Variants in RBFOX1 observed in about 807,000 individuals in gnomAD.
RBFOX1 encodes the protein RNA binding fox-1 homolog 1, also known as RNA binding protein fox-1 homolog 1.
RBFOX1 carries 8 observed loss-of-function variants against 57.7 expected under a neutral mutation model. That is an observed-to-expected ratio of 0.14 (90% CI 0.08 to 0.25). RBFOX1 has a LOEUF of 0.25. RBFOX1 is among the 10% of genes least tolerant of loss of function. RBFOX1 has a pLI of 1.00. For synonymous variants in RBFOX1, 326 were observed against 222.4 expected (o/e 1.47, Z -4.15); for missense variants, 611 against 548.5 (o/e 1.11, Z -1.14).
At chr16:6,829,377 A>G (rs1447777148) in intron 3 of RBFOX1, among the ~76,000 whole-genome samples, 1 of 151,986 alleles carries the variant, frequency 6.6e-6, no homozygotes, top group African/African-American at 2.4e-5. Context: ...ACACACATAC[A>G]TACACAGACA....
chr16:6,937,176 T>C lies in RBFOX1; in HGVS notation c.-15-114881T>C, dbSNP rs919051313. On this transcript the variant is annotated intron_variant, in intron 3 of 15. Coordinates refer to ENST00000550418, the MANE Select transcript of RBFOX1 (RefSeq NM_018723.4). Reference sequence around the variant, plus strand: ...TCAAAAATGATATTTTTTTCCAAATTTTTATTCTGGAAAATTCAACTATGT... The same window carrying C: ...TCAAAAATGATATTTTTTTCCAAATCTTTATTCTGGAAAATTCAACTATGT... 4.6e-5 allele frequency among the ~76,000 whole-genome samples: 7 copies of C among 152,126 alleles called. 1 individual carries two copies. Among genetic ancestry groups the C allele is most frequent in the Non-Finnish European group, 8.8e-5 (6 of 68,024 alleles).
intron 1 of RBFOX1, among the ~76,000 whole-genome samples, chr16:6,214,620 G>A (rs2097320733): frequency 8.7e-6 from 1 of 114,752 alleles, no homozygotes; most frequent in Non-Finnish European, 1.8e-5. Flanking sequence ...AGAAGGAGAG[G>A]GAGAAAGACA....
At chr16:6,863,442 G>A (rs140326711) in intron 3 of RBFOX1, among the ~76,000 whole-genome samples, 4 of 152,142 alleles carry the variant, frequency 2.6e-5, no homozygotes, top group African/African-American at 9.6e-5. Flanking sequence ...AAGGAACTAA[G>A]CAAGTTTTGC....
At chr16:6,580,367 C>G (rs1020512818) in intron 2 of RBFOX1, among the ~76,000 whole-genome samples, 5 of 152,180 alleles carry the variant, frequency 3.3e-5, no homozygotes, top group Admixed American at 6.5e-5. Flanking sequence ...TCATAACACA[C>G]ATTTGCCAAT....
intron 2 of RBFOX1, among the ~76,000 whole-genome samples, chr16:6,330,014 A>G (rs563585865): frequency 6.6e-6 from 1 of 152,288 alleles, no homozygotes; most frequent in East Asian, 1.9e-4. Flanking sequence ...GATTTTAAAA[A>G]TATTGACTTC....
chr16:6,317,627 A>C (rs747504599), intron 2 of RBFOX1, among the ~76,000 whole-genome samples: 1 of 152,110 alleles, frequency 6.6e-6, no homozygotes, highest in Non-Finnish European at 1.5e-5. Flanking sequence ...GCATTTTTCC[A>C]CTTTCTGCCT....
intron 2 of RBFOX1, among the ~76,000 whole-genome samples, chr16:5,521,710 C>T (rs951217081): frequency 5.3e-5 from 8 of 152,170 alleles, no homozygotes; most frequent in Admixed American, 5.2e-4. Flanking sequence ...TACGTCTGAG[C>T]CCAAGACTTG....
At chr16:5,895,542 C>G (rs547794161) in intron 4 of RBFOX1, among the ~76,000 whole-genome samples, 2 of 152,302 alleles carry the variant, frequency 1.3e-5, no homozygotes, top group East Asian at 1.9e-4. Flanking sequence ...GCAGCCTGAT[C>G]TTTATTCTTA....
intron 4 of RBFOX1, among the ~76,000 whole-genome samples, chr16:5,925,089 C>T (rs978860133): frequency 1.2e-4 from 18 of 152,264 alleles, no homozygotes; most frequent in Admixed American, 4.6e-4. Context: ...TCCCTGTTTC[C>T]ACACCAACCC....
chr16:6,472,717 G>A (rs891403095), intron 2 of RBFOX1, among the ~76,000 whole-genome samples: 6 of 151,362 alleles, frequency 4.0e-5, no homozygotes, highest in East Asian at 1.9e-4. Flanking sequence ...TCCGCCTCCC[G>A]GTTCAAGTGA....
chr16:7,015,115 A>G (rs2093843248), intron 3 of RBFOX1, among the ~76,000 whole-genome samples: 1 of 152,154 alleles, frequency 6.6e-6, no homozygotes, highest in South Asian at 2.1e-4. Flanking sequence ...TCTGAGACAG[A>G]GTTAAGGGTC....
intron 3 of RBFOX1, among the ~76,000 whole-genome samples, chr16:7,034,162 T>G (rs901359627): frequency 1.3e-5 from 2 of 152,130 alleles, no homozygotes; most frequent in African/African-American, 4.8e-5. Context: ...TGGTTCTGGA[T>G]TCAAATAGCC....
chr16:7,013,459 C>T lies in RBFOX1; in HGVS notation c.-15-38598C>T, dbSNP rs1220521181. Among the ~76,000 whole-genome samples, 3 of 152,186 alleles carry T rather than the reference C, an allele frequency of 2.0e-5. No homozygotes were observed. The East Asian group carries it at 5.8e-4, about 29-fold the overall frequency. On this transcript the variant is annotated intron_variant, in intron 3 of 15. Coordinates refer to ENST00000550418, the MANE Select transcript of RBFOX1 (RefSeq NM_018723.4). ...ACGACTGGGAAGAGGATGCTACTCG[C>T]ATCTAGCAGATGGAGTGAAGGCATG...
intron 4 of RBFOX1, among the ~76,000 whole-genome samples, chr16:5,969,342 C>G (rs1205445388): frequency 8.8e-6 from 1 of 113,900 alleles, no homozygotes. Context: ...AATGGAGTCT[C>G]TCACTGTCAC....
chr16:5,598,820 A>T (rs962016782), intron 2 of RBFOX1: 3 of 1,084,546 alleles, frequency 2.8e-6, no homozygotes, highest in Non-Finnish European at 3.9e-6. Context: ...GGGTTGTGCT[A>T]AACTGGGTTA....
In RBFOX1 at chr16:5,547,567, A is replaced by T. The variant is rs562062567; in HGVS notation, c.259-51335A>T. Reference sequence around the variant, plus strand: ...TTCTAAAAAATGCAAATCTATAGTGACAGAAAGCAGATCATTTGTTGCCTG... The same window carrying T: ...TTCTAAAAAATGCAAATCTATAGTGTCAGAAAGCAGATCATTTGTTGCCTG... On this transcript the variant is annotated intron_variant, in intron 2 of 2. Transcript: ENST00000585867. Among the ~76,000 whole-genome samples the T allele has an allele frequency of 1.3e-4, 20 of 152,198 alleles. 1 individual carries two copies. The highest frequency in any genetic ancestry group is 2.0e-4 in the Admixed American group (3 of 15,274).
intron 5 of RBFOX1, among the ~76,000 whole-genome samples, chr16:7,538,238 T>C (rs533852551): frequency 1.3e-5 from 2 of 152,296 alleles, no homozygotes; most frequent in South Asian, 2.1e-4. Flanking sequence ...TGAATGGTTT[T>C]CTTTCATGAG....
In RBFOX1 at chr16:6,808,097, G is replaced by C. The variant is rs549448195; in HGVS notation, c.-16+153447G>C. Among the ~76,000 whole-genome samples the C allele has an allele frequency of 4.8e-5, 7 of 145,978 alleles. No individual in the cohort carries two copies. In the South Asian group the frequency reaches 1.3e-3, roughly 27 times the overall value. On this transcript the variant is annotated intron_variant, in intron 3 of 15. Transcript: ENST00000550418. ...TATATAATCATACTCAATAGAACTA[G>C]ATATATATAGGATGTAGCAATATGC... is the stretch of plus-strand genomic sequence containing the variant.
chr16:5,710,098 C>G (rs1235442094), intron 3 of RBFOX1, among the ~76,000 whole-genome samples: 4 of 151,192 alleles, frequency 2.6e-5, no homozygotes, highest in Non-Finnish European at 5.9e-5. Context: ...GATAAGACAT[C>G]CAGGTTATCT....
Sources: gnomAD v4.1 joint callset for allele counts (sites outside exome capture counted in the v4.1 genomes callset) on GRCh38, gnomAD v4.1.1 for gene constraint, MANE v1.5 for transcripts, NCBI Gene and HGNC (gene_info 2026-07-23, HGNC 2026-07-21) for gene names.